C1orf105: variants seen among roughly 807,000 people sequenced by gnomAD.
The protein encoded by C1orf105 is chromosome 1 open reading frame 105, also known as uncharacterized protein C1orf105.
A neutral mutation model predicts 20.8 loss-of-function variants in C1orf105; 17 were observed. The observed-to-expected ratio is 0.82, with a 90% CI of 0.56 to 1.23. The LOEUF (loss-of-function observed/expected upper bound fraction) is 1.23. Ranked by LOEUF, C1orf105 falls within the 50% of genes most tolerant of loss-of-function variation. C1orf105 has a pLI of 0.00. For missense variants in C1orf105, 219 were observed against 213.5 expected, an observed-to-expected ratio of 1.03 and a Z score of -0.16; for synonymous variants, 72 against 72.1, an observed-to-expected ratio of 1.00 and a Z score of 0.01.
intron 1 of C1orf105, among the ~76,000 whole-genome samples, chr1:172,438,256 A>G (rs920786475): frequency 6.6e-6 from 1 of 152,242 alleles, no homozygotes; most frequent in Non-Finnish European, 1.5e-5. Context: ...ATTAAGAAAT[A>G]CATTTTGTAA....
At chr1:172,445,033 G>A (rs774143565) in intron 1 of C1orf105, 40 bp from the exon 2 acceptor site, 1 of 1,511,138 alleles carries the variant, frequency 6.6e-7, no homozygotes, top group Non-Finnish European at 9.2e-7. Flanking sequence ...CAATGTTTAA[G>A]TGTGATATAT....
rs115347777 is a variant in C1orf105 at position 172,452,695 on chromosome 1, A to C, written c.199-3720A>C. 2,526 of 782,726 alleles carry C rather than the reference A, an allele frequency of 3.2e-3. 58 individuals are homozygous for C. In the African/African-American group the frequency reaches 0.043, roughly 13 times the overall value. 48.5% of individuals were successfully genotyped at this position (782,726 alleles called of 1,614,324 possible). On this transcript the variant is annotated intron_variant, in intron 3 of 6. Coordinates refer to ENST00000367727, the MANE Select transcript of C1orf105 (RefSeq NM_139240.4). ...GGTATGAGGATGTTTCCAATTGTCA[A>C]ATGTGTTTTTGGCTTCTGGGGACTG...
At chr1:172,421,896 G>A (rs896608322) in intron 1 of C1orf105, among the ~76,000 whole-genome samples, 1 of 152,024 alleles carries the variant, frequency 6.6e-6, no homozygotes, top group South Asian at 2.1e-4. Flanking sequence ...CTGCCAATAC[G>A]GGGCAGAACT....
At chr1:172,442,146 G>C in intron 1 of C1orf105, 1 of 1,614,184 alleles carries the variant, frequency 6.2e-7, no homozygotes, top group South Asian at 1.1e-5. Flanking sequence ...AGATGAGATG[G>C]CCTAACAGCA....
rs542974410 is a variant in C1orf105, at chr1:172,431,846, C to T, written c.21+10940C>T. Among the ~76,000 whole-genome samples, 3 of 152,326 alleles carry T rather than the reference C, an allele frequency of 2.0e-5. No homozygotes were observed. In the South Asian group the frequency reaches 6.2e-4, roughly 32 times the overall value. ...TTTCCCTTTCCTAGCCAAGGGAAGC[C>T]GTGACAGACTGCACCTGGAAAAACA... On this transcript the variant is annotated intron_variant, in intron 1 of 6. Coordinates refer to ENST00000367727, the MANE Select transcript of C1orf105 (RefSeq NM_139240.4).
chr1:172,442,698 G>A, intron 1 of C1orf105: 2 of 1,281,970 alleles, frequency 1.6e-6, no homozygotes, highest in Non-Finnish European at 2.2e-6. Context: ...TCTTTATGAA[G>A]TTTTGAAATG....
chr1:172,466,589 C>T (rs199907216), intron 6 of C1orf105, among the ~76,000 whole-genome samples: 9 of 11,454 alleles, frequency 7.9e-4, no homozygotes, highest in African/African-American at 1.7e-3. Context: ...CACACACACA[C>T]ACACACACAC....
At chr1:172,445,012 C>T (rs1221216725) in intron 1 of C1orf105, 61 bp from the exon 2 acceptor site, 12 of 1,377,838 alleles carry the variant, frequency 8.7e-6, no homozygotes, top group African/African-American at 7.2e-5. Flanking sequence ...CTTTGGCCAT[C>T]GTAATGATAG....
chr1:172,448,193 C>A (rs1648223849), intron 2 of C1orf105, among the ~76,000 whole-genome samples: 1 of 152,240 alleles, frequency 6.6e-6, no homozygotes, highest in Non-Finnish European at 1.5e-5. Context: ...CAATCTTTAT[C>A]CTGCCTTGTT....
chr1:172,459,152 G>A (rs1454517293), intron 4 of C1orf105, among the ~76,000 whole-genome samples: 1 of 151,976 alleles, frequency 6.6e-6, no homozygotes, highest in African/African-American at 2.4e-5. Flanking sequence ...TCTAAGATAG[G>A]ACACCCAAAG....
At chr1:172,436,927 G>A (rs900090425) in intron 1 of C1orf105, among the ~76,000 whole-genome samples, 6 of 152,148 alleles carry the variant, frequency 3.9e-5, no homozygotes, top group Admixed American at 3.9e-4. Context: ...AGTGGGCAAA[G>A]GATATGAACA....
intron 6 of C1orf105, among the ~76,000 whole-genome samples, chr1:172,466,909 G>C (rs1650107691): frequency 6.6e-6 from 1 of 152,084 alleles, no homozygotes; most frequent in Admixed American, 6.5e-5. Context: ...GTTTATTATA[G>C]CCATGGCCCT....
At chr1:172,450,634 A>G (rs1218025010) in intron 3 of C1orf105, among the ~76,000 whole-genome samples, 1 of 152,240 alleles carries the variant, frequency 6.6e-6, no homozygotes, top group African/African-American at 2.4e-5. Context: ...GCAGAGGTGC[A>G]AAGCTCCTGC....
chr1:172,434,317 A>G (rs868529513), intron 1 of C1orf105, among the ~76,000 whole-genome samples: 3 of 152,244 alleles, frequency 2.0e-5, no homozygotes, highest in Non-Finnish European at 2.9e-5. Context: ...TCAGCAGCAC[A>G]TCGCACTTAT....
chr1:172,437,766 C>T (rs923623051), intron 1 of C1orf105, among the ~76,000 whole-genome samples: 6 of 141,182 alleles, frequency 4.2e-5, no homozygotes, highest in African/African-American at 1.6e-4. Context: ...ATAAACAAAA[C>T]GATTTATTTC....
intron 5 of C1orf105, 78 bp downstream of exon 5, chr1:172,462,323 T>A: frequency 9.3e-7 from 1 of 1,070,474 alleles, no homozygotes; most frequent in South Asian, 1.6e-5. Flanking sequence ...TTGAGAAGCC[T>A]AGTAAGAGGA....
intron 3 of C1orf105, among the ~76,000 whole-genome samples, chr1:172,451,335 T>C (rs1237188082): frequency 6.6e-6 from 1 of 152,352 alleles, no homozygotes; most frequent in African/African-American, 2.4e-5. Flanking sequence ...AAGAACACTA[T>C]TTATTTTGCT....
intron 1 of C1orf105, chr1:172,441,863 A>G: frequency 6.2e-7 from 1 of 1,614,202 alleles, no homozygotes; most frequent in Admixed American, 1.7e-5. Flanking sequence ...AGAAGGGCAA[A>G]GAGTACGGCT....
intron 4 of C1orf105, among the ~76,000 whole-genome samples, chr1:172,457,436 C>T (rs757790406): frequency 2.6e-5 from 4 of 152,154 alleles, no homozygotes; most frequent in Non-Finnish European, 4.4e-5. Context: ...TAGGTCCAGT[C>T]GGATGTGAAA....
Sources: allele counts gnomAD v4.1 joint callset (sites outside exome capture counted in the v4.1 genomes callset), GRCh38; gene constraint gnomAD v4.1.1; transcripts MANE v1.5; gene names NCBI Gene and HGNC (gene_info 2026-07-23, HGNC 2026-07-21).